C16orf74: variants seen among roughly 807,000 people sequenced by gnomAD.
C16orf74 encodes the protein calcimembrin.
Under a neutral mutation model 6.5 loss-of-function variants are expected in C16orf74, and 10 were observed. That is an observed-to-expected ratio of 1.54 (90% CI 0.95 to 2.61). The LOEUF is 2.61. Ranked by LOEUF, C16orf74 falls within the 30% of genes most tolerant of loss-of-function variation. C16orf74 has a pLI of 0.00. For synonymous variants in C16orf74, 60 were observed against 42.5 expected, an observed-to-expected ratio of 1.41 and a Z score of -1.60; for missense variants, 141 against 105.9, an observed-to-expected ratio of 1.33 and a Z score of -1.45.
chr16:85,723,064 G>A (rs2054098162), intron 2 of C16orf74, among the ~76,000 whole-genome samples: 1 of 152,054 alleles, frequency 6.6e-6, no homozygotes, highest in African/African-American at 2.4e-5. Context: ...TTGAAGACCA[G>A]CCTGGCAAAC....
At chr16:85,711,441 C>A (rs926959102) in intron 2 of C16orf74, among the ~76,000 whole-genome samples, 1 of 145,622 alleles carries the variant, frequency 6.9e-6, no homozygotes, top group African/African-American at 2.5e-5. Context: ...ACGGAGAAAC[C>A]CCGTCTCCAC....
chr16:85,732,027 T>C (rs2054194295), intron 2 of C16orf74, among the ~76,000 whole-genome samples: 1 of 152,216 alleles, frequency 6.6e-6, no homozygotes, highest in African/African-American at 2.4e-5. Context: ...GGGATGACAT[T>C]ATCCTGGACT....
intron 2 of C16orf74, among the ~76,000 whole-genome samples, chr16:85,733,039 T>A (rs2152063461): frequency 6.6e-6 from 1 of 152,300 alleles, no homozygotes; most frequent in African/African-American, 2.4e-5. Flanking sequence ...TCTACCTTCC[T>A]GATCAAGTCC....
chr16:85,745,422 C>G (rs534059948), intron 1 of C16orf74, among the ~76,000 whole-genome samples: 15 of 152,348 alleles, frequency 9.8e-5, no homozygotes, highest in African/African-American at 3.1e-4. Context: ...TACCAGCTCA[C>G]AACAGACTGC....
chr16:85,716,254 G>A (rs1474039639), intron 2 of C16orf74, among the ~76,000 whole-genome samples: 1 of 151,580 alleles, frequency 6.6e-6, no homozygotes, highest in African/African-American at 2.4e-5. Context: ...GGGTTGGAGG[G>A]AGAGGAGGAA....
At chr16:85,730,387 A>T (rs1168346747) in intron 2 of C16orf74, among the ~76,000 whole-genome samples, 1 of 152,100 alleles carries the variant, frequency 6.6e-6, no homozygotes, top group Non-Finnish European at 1.5e-5. Flanking sequence ...GCTTTGCAAG[A>T]TGAGTGCCAA....
chr16:85,723,570 T>G (rs983757086), intron 2 of C16orf74, among the ~76,000 whole-genome samples: 2 of 152,132 alleles, frequency 1.3e-5, no homozygotes, highest in African/African-American at 4.8e-5. Context: ...CTGGTGTGAC[T>G]TCAGGGGGTT....
chr16:85,735,823 C>T (rs560461342), intron 1 of C16orf74, among the ~76,000 whole-genome samples: 19 of 152,280 alleles, frequency 1.2e-4, no homozygotes, highest in Non-Finnish European at 1.8e-4. Context: ...TGAGGCATCC[C>T]GAGTTCTAAG....
intron 1 of C16orf74, among the ~76,000 whole-genome samples, chr16:85,737,346 A>G (rs1276166394): frequency 1.3e-5 from 2 of 152,150 alleles, no homozygotes; most frequent in East Asian, 3.9e-4. Context: ...CTGCATCCAC[A>G]CTACAGCCAA....
chr16:85,744,843 A>AAC (rs1555589102), intron 1 of C16orf74, among the ~76,000 whole-genome samples: 5 of 131,870 alleles, frequency 3.8e-5, no homozygotes, highest in African/African-American at 1.4e-4. Context: ...AAAAAAAAAA[A>AAC]AAAAAAACTC....
At chr16:85,744,844 A>AAAAAAAC (rs2054354350) in intron 1 of C16orf74, among the ~76,000 whole-genome samples, 1 of 139,136 alleles carries the variant, frequency 7.2e-6, no homozygotes, top group Non-Finnish European at 1.5e-5. Flanking sequence ...AAAAAAAAAA[A>AAAAAAAC]AAAAAACTCT....
chr16:85,730,100 G>C (rs1012296708), intron 2 of C16orf74, among the ~76,000 whole-genome samples: 4 of 152,148 alleles, frequency 2.6e-5, no homozygotes, highest in African/African-American at 9.7e-5. Context: ...CAGAGCCCCT[G>C]GGGGAGCTGA....
At chr16:85,711,178 G>A (rs1225748792) in intron 2 of C16orf74, among the ~76,000 whole-genome samples, 1 of 151,874 alleles carries the variant, frequency 6.6e-6, no homozygotes, top group Non-Finnish European at 1.5e-5. Context: ...GCCCGGTGTG[G>A]TGGCACACAC....
chr16:85,746,879 A>T (rs1252839793), intron 1 of C16orf74, among the ~76,000 whole-genome samples: 1 of 152,208 alleles, frequency 6.6e-6, no homozygotes, highest in Non-Finnish European at 1.5e-5. Flanking sequence ...GAATTCCTAC[A>T]ACTCCAGCCA....
rs2152057159 is a variant in C16orf74, at chr16:85,709,439, A to C, written c.172+725T>G. ...CTGAGAATTCCTGTAAGAACTAAAT[A>C]AGAAAATCCATTTGTTACGCTCAGT... On this transcript the variant is annotated intron_variant, in intron 3 of 3. Transcript: ENST00000284245. 2.0e-5 allele frequency among the ~76,000 whole-genome samples: 3 copies of C among 152,206 alleles called. 1 individual carries two copies. The South Asian group carries it at 6.2e-4, about 32-fold the overall frequency.
chr16:85,715,000 C>CA (rs796113953), intron 2 of C16orf74, among the ~76,000 whole-genome samples: 2 of 151,024 alleles, frequency 1.3e-5, no homozygotes, highest in Admixed American at 6.6e-5. Context: ...ACTAAAAATA[C>CA]AAAAAAATTA....
At chr16:85,740,224 A>G (rs2152065184) in intron 1 of C16orf74, among the ~76,000 whole-genome samples, 2 of 150,418 alleles carry the variant, frequency 1.3e-5, no homozygotes, top group South Asian at 2.1e-4. Flanking sequence ...AAAAAAAAAA[A>G]AAAAAAGAAA....
chr16:85,726,066 G>T (rs1238382792), intron 2 of C16orf74, among the ~76,000 whole-genome samples: 1 of 152,022 alleles, frequency 6.6e-6, no homozygotes, highest in African/African-American at 2.4e-5. Context: ...CTTCTGCCTG[G>T]AACACTGTTC....
chr16:85,746,638 T>G (rs1217500456), intron 1 of C16orf74, among the ~76,000 whole-genome samples: 1 of 152,092 alleles, frequency 6.6e-6, no homozygotes, highest in Non-Finnish European at 1.5e-5. Flanking sequence ...AGGGCAGGGC[T>G]GAAGAAGAGT....
Sources: gnomAD v4.1 joint callset for allele counts (sites outside exome capture counted in the v4.1 genomes callset) on GRCh38, gnomAD v4.1.1 for gene constraint, MANE v1.5 for transcripts, NCBI Gene and HGNC (gene_info 2026-07-23, HGNC 2026-07-21) for gene names.